ANXA11: variants seen among roughly 807,000 people sequenced by gnomAD.
ANXA11 encodes 56 kDa autoantigen.
ANXA11 carries 57 observed loss-of-function variants against 64.7 expected under a neutral mutation model. The ratio of observed to expected loss-of-function variants is 0.88; its 90% CI spans 0.71 to 1.10. ANXA11 has a LOEUF of 1.10. Ranked by LOEUF, ANXA11 falls within the 50% of genes least tolerant of loss-of-function variation. The pLI, the probability that ANXA11 is intolerant of heterozygous loss-of-function variation, is 0.00. For synonymous variants in ANXA11, 260 were observed against 265.2 expected, an observed-to-expected ratio of 0.98 and a Z score of 0.19; for missense variants, 675 against 670.7, an observed-to-expected ratio of 1.01 and a Z score of -0.07.
intron 1 of ANXA11, among the ~76,000 whole-genome samples, chr10:80,189,215 G>T (rs1264452033): frequency 6.6e-6 from 1 of 152,142 alleles, no homozygotes; most frequent in Non-Finnish European, 1.5e-5. Context: ...TGAAAAGGAA[G>T]AATAAGAAGG....
At chr10:80,181,327 T>A (rs1564618971) in intron 1 of ANXA11, 2 of 152,062 alleles carry the variant, frequency 1.3e-5, no homozygotes, top group South Asian at 4.1e-4. Flanking sequence ...CACCATGGCA[T>A]GCGACTGTGG....
At chr10:80,186,894 C>A (rs1846561942) in intron 1 of ANXA11, among the ~76,000 whole-genome samples, 2 of 152,226 alleles carry the variant, frequency 1.3e-5, no homozygotes, top group African/African-American at 4.8e-5. Context: ...ACCTCTGAGG[C>A]CTGCCCACAC....
At chr10:80,174,529 G>A (rs1229539238) in intron 2 of ANXA11, among the ~76,000 whole-genome samples, 4 of 151,514 alleles carry the variant, frequency 2.6e-5, no homozygotes, top group South Asian at 4.2e-4. Flanking sequence ...TGCCTGCCTC[G>A]GCTTCCCAAA....
intron 1 of ANXA11, among the ~76,000 whole-genome samples, chr10:80,188,201 A>G (rs1035904248): frequency 1.6e-4 from 25 of 151,856 alleles, no homozygotes; most frequent in Admixed American, 7.2e-4. Context: ...AAGGGCCCCA[A>G]ACATCACAGG....
chr10:80,164,026 G>A, intron 9 of ANXA11, 27 bp downstream of exon 9: 1 of 1,592,984 alleles, frequency 6.3e-7, no homozygotes, highest in Non-Finnish European at 8.6e-7. Context: ...GAGGGCAGAG[G>A]GCAGAGGGCA....
chr10:80,156,562 G>C (rs1339679569), intron 15 of ANXA11: 1 of 447,682 alleles, frequency 2.2e-6, no homozygotes, highest in South Asian at 1.6e-5. Context: ...CACCAAGACT[G>C]AAGTGGAATG....
chr10:80,163,167 G>A (rs1845580903), intron 11 of ANXA11, among the ~76,000 whole-genome samples, 182 bp downstream of exon 11: 1 of 151,726 alleles, frequency 6.6e-6, no homozygotes, highest in African/African-American at 2.4e-5. Context: ...CTGAAGCCCT[G>A]GAGGTCAGAT....
intron 1 of ANXA11, among the ~76,000 whole-genome samples, chr10:80,197,499 C>T (rs1003217528): frequency 6.6e-6 from 1 of 152,126 alleles, no homozygotes; most frequent in Non-Finnish European, 1.5e-5. Flanking sequence ...TTACCAGCCA[C>T]GGAGACCGAA....
At chr10:80,186,803 G>A (rs528560338) in intron 1 of ANXA11, among the ~76,000 whole-genome samples, 71 of 152,304 alleles carry the variant, frequency 4.7e-4, no homozygotes, top group African/African-American at 1.3e-3. Flanking sequence ...AGCACACAGC[G>A]TCACACGCAG....
At position 80,169,551 on chromosome 10, in the gene ANXA11, AC is replaced by A. The variant is rs559041229; in HGVS notation, c.172-194del. Among the ~76,000 whole-genome samples, 241 of 152,224 alleles carry A rather than the reference AC, an allele frequency of 1.6e-3. 1 individual carries two copies. Among genetic ancestry groups the A allele is most frequent in the African/African-American group, 5.4e-3 (226 of 41,550 alleles). ...AGTTACACAGCCAGTGAACAGTGCG[AC>A]TCGATCCAAACCAGAGATCCTCATC... On this transcript the variant is annotated intron_variant, in intron 4 of 15. Transcript: ENST00000422982.
chr10:80,194,969 C>G lies in ANXA11; in HGVS notation c.-58+10374G>C, dbSNP rs193261620. On this transcript the variant is annotated intron_variant, in intron 1 of 15. Coordinates refer to ENST00000422982, the MANE Select transcript of ANXA11 (RefSeq NM_145868.2). ...GGAGTAGAGGTTTACCAGGGCCCTT[C>G]CAGTTGGTGTGTTATGAGCCATCTC... Among the ~76,000 whole-genome samples, 4 of 152,290 alleles carry G rather than the reference C, an allele frequency of 2.6e-5. No homozygotes were observed. In the East Asian group the frequency reaches 7.7e-4, roughly 29 times the overall value.
At chr10:80,157,203 A>G in intron 15 of ANXA11, 3 of 985,106 alleles carry the variant, frequency 3.0e-6, no homozygotes, top group Non-Finnish European at 3.6e-6. Context: ...CTGGACTCCA[A>G]GTGGCGTGAC....
At chr10:80,190,598 G>A (rs762593044) in intron 1 of ANXA11, among the ~76,000 whole-genome samples, 4 of 147,712 alleles carry the variant, frequency 2.7e-5, no homozygotes, top group Non-Finnish European at 5.9e-5. Flanking sequence ...CCGTTCTCCC[G>A]CCTCAGCCTC....
At chr10:80,205,150 C>T (rs1343973633) in intron 1 of ANXA11, among the ~76,000 whole-genome samples, 193 bp downstream of exon 1, 1 of 152,090 alleles carries the variant, frequency 6.6e-6, no homozygotes, top group Non-Finnish European at 1.5e-5. Context: ...AGGGGGCTGC[C>T]AGGCCGACAC....
Position 80,186,842 on chromosome 10 carries a change from G to T in ANXA11, c.-57-10687C>A, listed in dbSNP as rs138683729. ...TCTCCGTCACGCTCCTCCATGGCAG[G>T]CTTCCCTGGAAGCCAGGCCACTCCT... On this transcript the variant is annotated intron_variant, in intron 1 of 15. Transcript: ENST00000422982. Among the ~76,000 whole-genome samples, 246 of 152,346 alleles carry T rather than the reference G, an allele frequency of 1.6e-3. 1 individual carries two copies. Among genetic ancestry groups the T allele is most frequent in the African/African-American group, 5.9e-3 (244 of 41,586 alleles).
At chr10:80,171,706 C>T (rs1054928259) in intron 3 of ANXA11, 10 of 985,388 alleles carry the variant, frequency 1.0e-5, no homozygotes, top group African/African-American at 8.7e-5. Context: ...AGCTTCGGAT[C>T]GGCTCTTCAT....
In ANXA11 at chr10:80,161,919, C is replaced by A; in HGVS notation, c.1180+16G>T. 1 of 1,607,698 alleles carries A rather than the reference C, an allele frequency of 6.2e-7. No homozygotes were observed. The highest frequency in any genetic ancestry group is 8.5e-7 in the Non-Finnish European group (1 of 1,176,892). ...CCTCATCTAACTGGCCTCTGAGGGA[C>A]CCCAGCCTGCCTTACCTGCTACCAG... On this transcript the variant is annotated intron_variant, in intron 12 of 15. Transcript: ENST00000422982.
intron 6 of ANXA11, 41 bp from the exon 7 acceptor site, chr10:80,167,025 T>C (rs745308465): frequency 1.4e-6 from 2 of 1,468,852 alleles, no homozygotes; most frequent in South Asian, 1.2e-5. Context: ...GTAGGGGTCA[T>C]GAGATGCTCT....
chr10:80,201,462 C>A (rs192445494), intron 1 of ANXA11, among the ~76,000 whole-genome samples: 2 of 152,296 alleles, frequency 1.3e-5, no homozygotes, highest in East Asian at 3.9e-4. Context: ...CCAGACCCAC[C>A]AGCTTATTTG....
Sources: allele counts gnomAD v4.1 joint callset (sites outside exome capture counted in the v4.1 genomes callset), GRCh38; gene constraint gnomAD v4.1.1; transcripts MANE v1.5; gene names NCBI Gene and HGNC (gene_info 2026-07-23, HGNC 2026-07-21).